Variants in BTBD7 observed in about 807,000 individuals in gnomAD.
The protein encoded by BTBD7 is BTB/POZ domain-containing protein 7.
In BTBD7, 38 loss-of-function variants were observed where a neutral mutation model predicts 99.9. That is an observed-to-expected ratio of 0.38 (90% CI 0.29 to 0.50). The LOEUF (loss-of-function observed/expected upper bound fraction) is 0.50. Among genes scored for constraint, BTBD7 ranks in the 20% least tolerant of loss-of-function variants. The pLI is 0.93. For synonymous variants in BTBD7, 520 were observed against 511.4 expected, an observed-to-expected ratio of 1.02 and a Z score of -0.23; for missense variants, 1,170 against 1,394.6, an observed-to-expected ratio of 0.84 and a Z score of 2.57.
At chr14:93,313,659 G>T (rs1358932499) in intron 1 of BTBD7, among the ~76,000 whole-genome samples, 1 of 149,208 alleles carries the variant, frequency 6.7e-6, no homozygotes, top group Non-Finnish European at 1.5e-5. Flanking sequence ...CTGAATTTTT[G>T]ACTTATCCTA....
intron 1 of BTBD7, among the ~76,000 whole-genome samples, chr14:93,301,365 A>G (rs1252703606): frequency 6.6e-6 from 1 of 151,944 alleles, no homozygotes; most frequent in Non-Finnish European, 1.5e-5. Flanking sequence ...CTAATTTTCT[A>G]TTTTTAGTAA....
At chr14:93,329,181 CA>C (rs927802382) in intron 1 of BTBD7, among the ~76,000 whole-genome samples, 5 of 147,402 alleles carry the variant, frequency 3.4e-5, no homozygotes, top group African/African-American at 1.0e-4. Flanking sequence ...CACTCAACAA[CA>C]AAAAAAAATC....
chr14:93,294,854 T>C lies in BTBD7; in HGVS notation c.166A>G (p.Lys56Glu), dbSNP rs1456249333. 6.2e-7 allele frequency: 1 copy of C among 1,613,822 alleles called. No individual in the cohort carries two copies. Among genetic ancestry groups the C allele is most frequent in the Non-Finnish European group, 8.5e-7 (1 of 1,180,002 alleles). The change falls in exon 3 of 11, where the codon AAA becomes GAA. Residue 56 changes from lysine to glutamate, a missense_variant. Transcript: ENST00000334746. ...LDHGHEKPQD[K>E]KKRTSGLATL... ...GCAAGACCAGAGGTTCTCTTTTTTTTGTCTTGTGGTTTCTCATGGCCATGG... is the reference window on the plus strand; with the variant it reads ...GCAAGACCAGAGGTTCTCTTTTTTTCGTCTTGTGGTTTCTCATGGCCATGG...
At position 93,306,834 on chromosome 14, in the gene BTBD7, T is replaced by C. The variant is rs1476006103; in HGVS notation, c.-106-10677A>G. Among the ~76,000 whole-genome samples the C allele has an allele frequency of 3.9e-5, 6 of 152,218 alleles. 1 individual carries two copies. Among genetic ancestry groups the C allele is most frequent in the Non-Finnish European group, 5.9e-5 (4 of 68,034 alleles). ...ATCACTGTCATATATATCAGTAAGA[T>C]ACTTGGTTATTAAAGTATTTTATTA... On this transcript the variant is annotated intron_variant, in intron 1 of 10. Coordinates refer to ENST00000334746, the MANE Select transcript of BTBD7 (RefSeq NM_001002860.4).
At chr14:93,286,606 A>C (rs2052780546) in intron 3 of BTBD7, among the ~76,000 whole-genome samples, 1 of 152,084 alleles carries the variant, frequency 6.6e-6, no homozygotes, top group African/African-American at 2.4e-5. Flanking sequence ...ACAGCCTCCC[A>C]CCCTCATCCC....
rs1481150596 is a variant in BTBD7 at position 93,296,858 on chromosome 14, C to T, written c.-106-701G>A. Among the ~76,000 whole-genome samples, 2 of 152,070 alleles carry T rather than the reference C, an allele frequency of 1.3e-5. 1 individual carries two copies. Among genetic ancestry groups the T allele is most frequent in the Admixed American group, 1.3e-4 (2 of 15,268 alleles). The stretch of plus-strand genomic sequence containing the variant: ...GATATGATGATTTAAATGGACAGGC[C>T]AGTAGCAATAAAAGGTAATTCTAAC... On this transcript the variant is annotated intron_variant, in intron 1 of 10. Coordinates refer to ENST00000334746, the MANE Select transcript of BTBD7 (RefSeq NM_001002860.4).
chr14:93,317,003 CTTTG>C (rs753978310), intron 1 of BTBD7, among the ~76,000 whole-genome samples: 11 of 152,178 alleles, frequency 7.2e-5, no homozygotes, highest in African/African-American at 1.7e-4. Flanking sequence ...ATCTGTTTAA[CTTTG>C]TTTAATTCAT....
intron 5 of BTBD7, among the ~76,000 whole-genome samples, chr14:93,257,768 G>A (rs2052446302): frequency 6.6e-6 from 1 of 152,316 alleles, no homozygotes. Flanking sequence ...TTATCAGTAT[G>A]CTCATTAGCC....
chr14:93,332,905 AC>A lies in BTBD7; in HGVS notation c.-193del, dbSNP rs745400009. On this transcript the variant is annotated 5_prime_UTR_variant, in exon 1 of 11. It introduces an in-frame stop codon into an upstream open reading frame of the 5' UTR. Coordinates refer to ENST00000334746, the MANE Select transcript of BTBD7 (RefSeq NM_001002860.4). ...CGCCGCCACCAGCACCGCCGTCCGC[AC>A]CGGCGCCAGCACCCCCGGCCATCCT... 1 of 1,347,018 alleles carries A rather than the reference AC, an allele frequency of 7.4e-7. No individual in the cohort carries two copies. The highest frequency in any genetic ancestry group is 1.4e-5 in the South Asian group (1 of 71,324). The allele number at this position is 1,347,018 out of a possible 1,614,324, so 83.4% of individuals were successfully genotyped here.
At chr14:93,321,268 A>G (rs1433229011) in intron 1 of BTBD7, among the ~76,000 whole-genome samples, 2 of 152,210 alleles carry the variant, frequency 1.3e-5, no homozygotes, top group Admixed American at 6.5e-5. Context: ...GGATATAACA[A>G]TGAACAAGAC....
chr14:93,311,838 G>GT (rs1196707738), intron 1 of BTBD7, among the ~76,000 whole-genome samples: 1 of 150,012 alleles, frequency 6.7e-6, no homozygotes, highest in African/African-American at 2.4e-5. Context: ...ACTTGGAATG[G>GT]TTTACTCTGT....
intron 1 of BTBD7, among the ~76,000 whole-genome samples, chr14:93,326,989 G>C (rs928956094): frequency 2.0e-5 from 3 of 151,022 alleles, no homozygotes; most frequent in African/African-American, 7.3e-5. Flanking sequence ...AACACTGCAA[G>C]GCCCTGTCTC....
At chr14:93,271,206 A>T (rs1242108371) in intron 3 of BTBD7, among the ~76,000 whole-genome samples, 1 of 152,200 alleles carries the variant, frequency 6.6e-6, no homozygotes. Context: ...AGTTCTCCTG[A>T]ATACACTGTC....
intron 10 of BTBD7, chr14:93,244,235 G>C (rs936427368): frequency 2.3e-5 from 7 of 308,086 alleles, no homozygotes; most frequent in African/African-American, 1.6e-4. Flanking sequence ...CTCAACTGCA[G>C]ATCTAAGAGG....
Position 93,242,527 on chromosome 14 carries a change from T to G in BTBD7, c.3145A>C (p.Thr1049Pro). ...CGTCCCCTGACATGGGCTGGACCGG[T>G]ACTAGCATTTTCTGGGGCTGCCAAA... The part of the protein sequence containing the change: ...FPLAAPENAS[T>P]GPAHVRGRTA... Residue 1049 changes from threonine to proline, a missense_variant, in exon 11 of 11, where the codon ACC becomes CCC. By Grantham distance (38) the Thr-to-Pro change is conservative (BLOSUM62 -1). Around this residue, in one of 4 missense-constraint regions of BTBD7, gnomAD observed 495 missense variants for 525.9 expected, o/e 0.94. Coordinates refer to ENST00000334746, the MANE Select transcript of BTBD7 (RefSeq NM_001002860.4). 1 of 1,614,236 alleles carries G rather than the reference T, an allele frequency of 6.2e-7. No homozygotes were observed. Among genetic ancestry groups the G allele is most frequent in the Non-Finnish European group, 8.5e-7 (1 of 1,180,046 alleles).
intron 3 of BTBD7, among the ~76,000 whole-genome samples, chr14:93,291,666 T>A (rs1216109862): frequency 2.0e-5 from 3 of 152,134 alleles, no homozygotes; most frequent in Non-Finnish European, 4.4e-5. Context: ...TATCCACATT[T>A]AAGGGAATAT....
At position 93,294,556 on chromosome 14, in the gene BTBD7, A is replaced by G; in HGVS notation, c.464T>C (p.Val155Ala). Residue 155 changes from valine (V) to alanine (A), a missense_variant, in exon 3 of 11, where the codon GTT becomes GCT. This residue lies in a region of BTBD7 where 359 missense variants were observed against 497.9 expected (regional missense o/e 0.72). Transcript: ENST00000334746. ...CCTTGCTGCCAAAATGGCACGATGA[A>G]CAGGAAAACAAGTTTCTTGAAATAT... ...DLIFQETCFP[V>A]HRAILAARCP... 1.2e-6 allele frequency: 2 copies of G among 1,613,920 alleles called. No individual in the cohort carries two copies. The highest frequency in any genetic ancestry group is 1.7e-6 in the Non-Finnish European group (2 of 1,179,938).
chr14:93,275,672 C>A (rs2052647802), intron 3 of BTBD7, among the ~76,000 whole-genome samples: 3 of 152,120 alleles, frequency 2.0e-5, no homozygotes, highest in Admixed American at 6.5e-5. Flanking sequence ...TATATAAGGC[C>A]ATTTTTTTGC....
intron 3 of BTBD7, among the ~76,000 whole-genome samples, chr14:93,290,684 AATTTTTTTGTATTTTT>A (rs2052841536): frequency 6.7e-6 from 1 of 148,936 alleles, no homozygotes; most frequent in Non-Finnish European, 1.5e-5. Flanking sequence ...CACCCAGCTA[AATTTTTTTGTATTTTT>A]ATTTTTTTGA....
Sources: gnomAD v4.1 joint callset for allele counts (sites outside exome capture counted in the v4.1 genomes callset) on GRCh38, gnomAD v4.1.1 for gene constraint, gnomAD v4.1.1 regional missense constraint, MANE v1.5 for transcripts, NCBI Gene and HGNC (gene_info 2026-07-23, HGNC 2026-07-21) for gene names.